The following LOXHD1 variants were observed in gnomAD, a reference collection of about 807,000 sequenced individuals.
The protein encoded by LOXHD1 is lipoxygenase homology PLAT domains 1, also known as lipoxygenase homology domain-containing protein 1.
A neutral mutation model predicts 248.2 loss-of-function variants in LOXHD1; 205 were observed. The ratio of observed to expected loss-of-function variants is 0.83; its 90% CI spans 0.74 to 0.93. The LOEUF (loss-of-function observed/expected upper bound fraction) is 0.93. LOXHD1 is among the 40% of genes least tolerant of loss of function. LOXHD1 has a pLI of 0.00. For missense variants in LOXHD1, 2,930 were observed against 2,971.6 expected, an observed-to-expected ratio of 0.99 and a Z score of 0.33; for synonymous variants, 1,113 against 1,162.8, an observed-to-expected ratio of 0.96 and a Z score of 0.87.
chr18:46,629,830 A>T (rs2038796939), intron 4 of LOXHD1, among the ~76,000 whole-genome samples: 1 of 151,636 alleles, frequency 6.6e-6, no homozygotes, highest in Non-Finnish European at 1.5e-5. Context: ...GAAAGAAAAA[A>T]AGGCAATTCA....
chr18:46,572,129 C>A lies in LOXHD1; in HGVS notation c.2004G>T (p.Leu668=). 1 of 1,551,876 alleles carries A rather than the reference C, an allele frequency of 6.4e-7. No homozygotes were observed. Reference sequence around the variant, plus strand: ...TGTCACTGGGTAGCAACTCTCGGACCAGCTGCCCATCATCCTTATCCTTGT... The same window carrying A: ...TGTCACTGGGTAGCAACTCTCGGACAAGCTGCCCATCATCCTTATCCTTGT... ...WLDKDKDDGQ[L]VRELLPSDSS... is the part of the protein sequence containing the mutation. Residue 668 remains leucine, a synonymous_variant, in exon 15 of 41, where the codon CTG becomes CTT. Coordinates refer to ENST00000642948, the MANE Select transcript of LOXHD1 (RefSeq NM_001384474.1).
chr18:46,636,463 G>A (rs148925279), intron 4 of LOXHD1, among the ~76,000 whole-genome samples: 2 of 152,240 alleles, frequency 1.3e-5, no homozygotes, highest in East Asian at 3.9e-4. Flanking sequence ...CCCTCCACTC[G>A]ACGAGGATCT....
chr18:46,524,784 T>C lies in LOXHD1; in HGVS notation c.4664A>G (p.Glu1555Gly). Residue 1555 changes from glutamate to glycine, a missense_variant, in exon 30 of 41, where the codon GAG (glutamate) becomes GGG (glycine). Physicochemically the swap from Glu to Gly is moderately conservative, Grantham distance 98 (BLOSUM62 -2). Coordinates refer to ENST00000642948, the MANE Select transcript of LOXHD1 (RefSeq NM_001384474.1). The part of the protein sequence containing the change: ...VEIWNDTNED[E>G]FLFLCGRWLS... ...CCAGCGCCCGCATAGGAACAGGAAC[T>C]CGTCCTCGTTGGTGTCATTCCAGAT... is the stretch of plus-strand genomic sequence containing the variant. 2.6e-6 allele frequency: 4 copies of C among 1,551,756 alleles called. No individual in the cohort carries two copies. Among genetic ancestry groups the C allele is most frequent in the Non-Finnish European group, 3.5e-6 (4 of 1,147,004 alleles).
At chr18:46,483,985 A>T (rs1236827876) in intron 39 of LOXHD1, among the ~76,000 whole-genome samples, 8 of 152,160 alleles carry the variant, frequency 5.3e-5, no homozygotes, top group Non-Finnish European at 1.2e-4. Context: ...TGACATCGTT[A>T]TGCAGGATGG....
At chr18:46,517,834 T>C (rs1270923733) in intron 34 of LOXHD1, among the ~76,000 whole-genome samples, 1 of 152,210 alleles carries the variant, frequency 6.6e-6, no homozygotes, top group Non-Finnish European at 1.5e-5. Context: ...ACATTAACAA[T>C]GATACAATAC....
At chr18:46,498,119 T>C (rs1266026522) in intron 37 of LOXHD1, among the ~76,000 whole-genome samples, 1 of 152,168 alleles carries the variant, frequency 6.6e-6, no homozygotes, top group Non-Finnish European at 1.5e-5. Flanking sequence ...GAGACCCCAG[T>C]TGTAAAAGTT....
chr18:46,522,331 A>G (rs1182269616), intron 31 of LOXHD1, 22 bp from the exon 32 acceptor site: 6 of 1,546,634 alleles, frequency 3.9e-6, no homozygotes, highest in South Asian at 2.4e-5. Flanking sequence ...CACGGGGCTC[A>G]GGTTCATAAC....
At chr18:46,622,787 T>A (rs2144338117) in intron 4 of LOXHD1, among the ~76,000 whole-genome samples, 1 of 152,316 alleles carries the variant, frequency 6.6e-6, no homozygotes, top group African/African-American at 2.4e-5. Context: ...AGCCTGGCAG[T>A]CCACTGATAG....
chr18:46,521,820 T>G (rs953527397), intron 32 of LOXHD1, among the ~76,000 whole-genome samples: 1 of 152,176 alleles, frequency 6.6e-6, no homozygotes, highest in African/African-American at 2.4e-5. Context: ...AGATAATACA[T>G]TTGTGTTGTT....
chr18:46,559,830 A>T (rs908532073), intron 19 of LOXHD1, among the ~76,000 whole-genome samples: 2 of 152,194 alleles, frequency 1.3e-5, no homozygotes, highest in African/African-American at 2.4e-5. Flanking sequence ...GTATTGAGTC[A>T]TATCAGGGCT....
intron 2 of LOXHD1, among the ~76,000 whole-genome samples, chr18:46,645,146 T>G (rs571939177): frequency 7.9e-5 from 12 of 152,362 alleles, no homozygotes; most frequent in African/African-American, 2.9e-4. Context: ...GATTAGCTTC[T>G]GAAATCCTCA....
chr18:46,567,467 C>T (rs1000369677), intron 16 of LOXHD1, among the ~76,000 whole-genome samples: 1 of 152,208 alleles, frequency 6.6e-6, no homozygotes, highest in Non-Finnish European at 1.5e-5. Flanking sequence ...AGCCTGAGAG[C>T]CCTCTGTGTG....
chr18:46,610,964 A>C (rs1161994779), intron 5 of LOXHD1, 40 bp from the exon 6 acceptor site: 1 of 1,545,526 alleles, frequency 6.5e-7, no homozygotes, highest in Non-Finnish European at 8.7e-7. Flanking sequence ...CAAAAAGACC[A>C]GAAGAAAAGA....
At chr18:46,591,800 C>G (rs1222612555) in intron 12 of LOXHD1, 133 bp downstream of exon 12, 1 of 1,163,144 alleles carries the variant, frequency 8.6e-7, no homozygotes, top group African/African-American at 1.5e-5. Context: ...AGGGACCTTC[C>G]AAATCCACTC....
chr18:46,507,701 C>T lies in LOXHD1; in HGVS notation c.5529G>A (p.Lys1843=), dbSNP rs1435950189. Residue 1843 remains lysine, a synonymous_variant, in exon 36 of 41, where the codon AAG becomes AAA. Coordinates refer to ENST00000642948, the MANE Select transcript of LOXHD1 (RefSeq NM_001384474.1). ...PEWFLERILL[K]NMNTGDLTMF... is the part of the protein sequence containing the mutation. ...TGGTCAGGTCTCCAGTGTTCATGTT[C>T]TTCAGTAGGATCTGGGGGAGAGGGA... The T allele has an allele frequency of 7.7e-6, 12 of 1,550,942 alleles. No individual in the cohort carries two copies. In the East Asian group the frequency reaches 2.9e-4, roughly 38 times the overall value.
intron 15 of LOXHD1, among the ~76,000 whole-genome samples, chr18:46,570,773 G>A (rs1391649756): frequency 1.3e-5 from 2 of 152,184 alleles, no homozygotes; most frequent in African/African-American, 4.8e-5. Context: ...AAAGTTTTAT[G>A]TTTTAAGAAA....
chr18:46,492,046 G>C (rs1001914848), intron 37 of LOXHD1, among the ~76,000 whole-genome samples: 3 of 152,222 alleles, frequency 2.0e-5, no homozygotes, highest in African/African-American at 4.8e-5. Context: ...GAAATTTTGG[G>C]TGTGATTGAC....
chr18:46,522,943 C>CTT (rs748254441), intron 31 of LOXHD1, among the ~76,000 whole-genome samples: 2 of 145,266 alleles, frequency 1.4e-5, no homozygotes. Context: ...CTGGGGAAAT[C>CTT]TTTTTTTTTT....
chr18:46,521,044 C>A, intron 33 of LOXHD1, 53 bp downstream of exon 33: 1 of 1,527,528 alleles, frequency 6.5e-7, no homozygotes, highest in Non-Finnish European at 8.8e-7. Context: ...TGCTCCCCAC[C>A]TCAACCTGCA....
Sources: allele counts gnomAD v4.1 joint callset (sites outside exome capture counted in the v4.1 genomes callset), GRCh38; gene constraint gnomAD v4.1.1; transcripts MANE v1.5; gene names NCBI Gene and HGNC (gene_info 2026-07-23, HGNC 2026-07-21).